Variants in FOLH1 observed in about 807,000 individuals in gnomAD.
FOLH1 encodes the protein glutamate carboxypeptidase 2.
In FOLH1, 54 loss-of-function variants were observed where a neutral mutation model predicts 93.9. That is an observed-to-expected ratio of 0.57 (90% CI 0.46 to 0.72). The LOEUF (loss-of-function observed/expected upper bound fraction) is 0.72. Ranked by LOEUF, FOLH1 falls within the 30% of genes least tolerant of loss-of-function variation. The probability of loss-of-function intolerance (pLI) is 0.00; values close to 1 mark genes in which losing one functional copy is unlikely to be tolerated. For missense variants in FOLH1, 571 were observed against 892.5 expected (o/e 0.64, Z 4.59); for synonymous variants, 249 against 303.6 (o/e 0.82, Z 1.87).
In FOLH1 at chr11:49,156,930, G is replaced by T. The variant is rs532426822; in HGVS notation, c.1533-123C>A. Reference sequence around the variant, plus strand: ...ATGTAATTTTAAACATACAGCTTTAGACATGCAGCAAAAACATGAAAAGAA... The same window carrying T: ...ATGTAATTTTAAACATACAGCTTTATACATGCAGCAAAAACATGAAAAGAA... On this transcript the variant is annotated intron_variant, in intron 14 of 18. Transcript: ENST00000256999. 2,218 of 1,483,564 alleles carry T rather than the reference G, an allele frequency of 1.5e-3. 3 individuals carry two copies. The highest frequency in any genetic ancestry group is 1.9e-3 in the Non-Finnish European group (2,109 of 1,101,716). 91.9% of individuals were successfully genotyped at this position (1,483,564 alleles called of 1,614,324 possible).
chr11:49,204,859 C>G (rs1030488871), intron 2 of FOLH1, among the ~76,000 whole-genome samples: 4 of 152,012 alleles, frequency 2.6e-5, no homozygotes, highest in African/African-American at 7.3e-5. Flanking sequence ...TATTTTAGGA[C>G]ACATGAGCTA....
chr11:49,150,093 T>A (rs2134851865), intron 17 of FOLH1, among the ~76,000 whole-genome samples: 1 of 152,296 alleles, frequency 6.6e-6, no homozygotes, highest in South Asian at 2.1e-4. Flanking sequence ...GTACCTGGGA[T>A]TACAGTGAAT....
intron 7 of FOLH1, among the ~76,000 whole-genome samples, chr11:49,182,339 A>AAG (rs2135169680): frequency 6.7e-6 from 1 of 149,692 alleles, no homozygotes; most frequent in African/African-American, 2.4e-5. Flanking sequence ...AAAAAAAAAA[A>AAG]AAAAAAAAAA....
chr11:49,150,275 C>T (rs1480894378), intron 17 of FOLH1, among the ~76,000 whole-genome samples: 1 of 152,048 alleles, frequency 6.6e-6, no homozygotes, highest in African/African-American at 2.4e-5. Context: ...AAATTAAGAA[C>T]AATAACATAC....
At chr11:49,153,295 A>C (rs1424529535) in intron 17 of FOLH1, among the ~76,000 whole-genome samples, 1 of 151,574 alleles carries the variant, frequency 6.6e-6, no homozygotes, top group African/African-American at 2.4e-5. Context: ...AATATTTGCT[A>C]TTCTGGATAA....
At chr11:49,157,702 T>C (rs1272072611) in intron 14 of FOLH1, among the ~76,000 whole-genome samples, 6 of 152,096 alleles carry the variant, frequency 3.9e-5, no homozygotes, top group African/African-American at 9.6e-5. Flanking sequence ...GACCAATCTT[T>C]ATAATCTGCT....
intron 2 of FOLH1, among the ~76,000 whole-genome samples, chr11:49,202,241 T>G (rs2135325492): frequency 6.6e-6 from 1 of 152,306 alleles, no homozygotes; most frequent in East Asian, 1.9e-4. Flanking sequence ...TCATTTGAGA[T>G]GTGTGTCACA....
intron 17 of FOLH1, among the ~76,000 whole-genome samples, chr11:49,150,281 C>T (rs1191031127): frequency 2.0e-5 from 3 of 152,086 alleles, no homozygotes; most frequent in Non-Finnish European, 2.9e-5. Flanking sequence ...AGAACAATAA[C>T]ATACATAGCT....
intron 3 of FOLH1, among the ~76,000 whole-genome samples, chr11:49,199,461 C>T (rs1863033319): frequency 6.6e-6 from 1 of 152,094 alleles, no homozygotes; most frequent in Non-Finnish European, 1.5e-5. Context: ...TCCAAATGTC[C>T]ACACACAAAT....
In FOLH1 at chr11:49,207,808, A is replaced by ATCAG. The variant is rs1480367615; in HGVS notation, c.118+480_118+483dup. ...TTAGAAAGTTGGATCAAGTCTGCAA[A>ATCAG]TCAGTACCCAGGAAAAACAGCAAAA... On this transcript the variant is annotated intron_variant, in intron 1 of 18. Transcript: ENST00000256999. The ATCAG allele has an allele frequency of 9.2e-5, 41 of 447,138 alleles. No individual in the cohort carries two copies. In the Admixed American group the frequency reaches 1.0e-3, roughly 11 times the overall value. The allele number at this position is 447,138 out of a possible 1,614,324, so 27.7% of individuals were successfully genotyped here. A position where few individuals can be genotyped will look rare whatever the true frequency, so the allele number is the denominator to read the frequency against.
chr11:49,196,616 C>CATT (rs1291958123), intron 3 of FOLH1, among the ~76,000 whole-genome samples: 4 of 128,514 alleles, frequency 3.1e-5, no homozygotes, highest in Non-Finnish European at 1.6e-5. Flanking sequence ...ATTATTCTAA[C>CATT]ATTAGAATAC....
chr11:49,156,603 C>G (rs1857064824), intron 15 of FOLH1, 114 bp downstream of exon 15: 1 of 989,206 alleles, frequency 1.0e-6, no homozygotes, highest in Admixed American at 2.2e-5. Context: ...ACTTCTCCCT[C>G]TGCTTTCAAA....
intron 3 of FOLH1, among the ~76,000 whole-genome samples, chr11:49,193,731 T>G (rs1342284544): frequency 1.3e-5 from 2 of 152,030 alleles, no homozygotes; most frequent in African/African-American, 4.8e-5. Flanking sequence ...TCCTCAGAGG[T>G]AGCACGAAAT....
chr11:49,171,363 A>T, intron 10 of FOLH1, 86 bp from the exon 11 acceptor site: 1 of 1,449,310 alleles, frequency 6.9e-7, no homozygotes, highest in South Asian at 1.5e-5. Context: ...GAAAAAAAAA[A>T]AAAAAAGTCA....
chr11:49,179,406 T>G (rs1860471939), intron 7 of FOLH1, among the ~76,000 whole-genome samples: 1 of 152,228 alleles, frequency 6.6e-6, no homozygotes, highest in Admixed American at 6.5e-5. Flanking sequence ...CTTCTTTTAC[T>G]AATCCAACCA....
chr11:49,206,377 T>C, intron 1 of FOLH1: 1 of 902,784 alleles, frequency 1.1e-6, no homozygotes, highest in Non-Finnish European at 1.7e-6. Context: ...GCAAACCAAT[T>C]GCAAAATATT....
intron 12 of FOLH1, among the ~76,000 whole-genome samples, chr11:49,167,993 T>C (rs984082563): frequency 1.3e-5 from 2 of 149,510 alleles, no homozygotes; most frequent in Non-Finnish European, 3.0e-5. Flanking sequence ...GCAAATTTAC[T>C]AATACACTAA....
chr11:49,166,975 G>T (rs149827261), intron 12 of FOLH1, among the ~76,000 whole-genome samples: 14,614 of 151,976 alleles, frequency 0.096, 962 homozygotes, highest in Non-Finnish European at 0.15. Flanking sequence ...GTTGAGCTCA[G>T]GAGTTTGAAA....
At chr11:49,173,815 A>G (rs1429224678) in intron 9 of FOLH1, among the ~76,000 whole-genome samples, 3 of 152,120 alleles carry the variant, frequency 2.0e-5, no homozygotes, top group Non-Finnish European at 4.4e-5. Context: ...AATATATTCA[A>G]AGTAAGAGAA....
Sources: gnomAD v4.1 joint callset for allele counts (sites outside exome capture counted in the v4.1 genomes callset) on GRCh38, gnomAD v4.1.1 for gene constraint, MANE v1.5 for transcripts, NCBI Gene and HGNC (gene_info 2026-07-23, HGNC 2026-07-21) for gene names.